ULK4: variants seen among roughly 807,000 people sequenced by gnomAD.
The protein encoded by ULK4 is inactive serine/threonine-protein kinase ULK4.
In ULK4, 133 loss-of-function variants were observed where a neutral mutation model predicts 160.6. The observed-to-expected ratio is 0.83, with a 90% CI of 0.72 to 0.96. The LOEUF (loss-of-function observed/expected upper bound fraction) is 0.96, where lower values mean the gene tolerates loss of function less well. Among genes scored for constraint, ULK4 ranks in the 40% least tolerant of loss-of-function variants. The pLI, the probability that ULK4 is intolerant of heterozygous loss-of-function variation, is 0.00. For missense variants in ULK4, 1,580 were observed against 1,499.5 expected, an observed-to-expected ratio of 1.05 and a Z score of -0.89; for synonymous variants, 534 against 539.8, an observed-to-expected ratio of 0.99 and a Z score of 0.15.
chr3:41,873,656 C>T lies in ULK4; in HGVS notation c.1656+10218G>A, dbSNP rs138853208. On this transcript the variant is annotated intron_variant, in intron 17 of 36. Coordinates refer to ENST00000301831, the MANE Select transcript of ULK4 (RefSeq NM_017886.4). The stretch of plus-strand genomic sequence containing the variant: ...GCAACCTCTGCCTCCCGGGTTCAAG[C>T]GATTCTCCTGCCTTAGTCTCTCGAG... Among the ~76,000 whole-genome samples, 478 of 152,246 alleles carry T rather than the reference C, an allele frequency of 3.1e-3. 1 individual carries two copies. Among genetic ancestry groups the T allele is most frequent in the African/African-American group, 0.011 (452 of 41,536 alleles).
intron 31 of ULK4, among the ~76,000 whole-genome samples, chr3:41,587,771 C>G (rs2030937176): frequency 1.3e-5 from 2 of 152,146 alleles, no homozygotes; most frequent in Admixed American, 1.3e-4. Context: ...CAGCACGATG[C>G]TCTTGTAAGT....
At chr3:41,693,564 T>C (rs1369284473) in intron 27 of ULK4, among the ~76,000 whole-genome samples, 1 of 152,042 alleles carries the variant, frequency 6.6e-6, no homozygotes, top group Non-Finnish European at 1.5e-5. Context: ...AGAACATATA[T>C]AGTATGTTAC....
At chr3:41,706,372 T>TA (rs202133465) in intron 25 of ULK4, among the ~76,000 whole-genome samples, 7,169 of 145,976 alleles carry the variant, frequency 0.049, 360 homozygotes, top group African/African-American at 0.12. Flanking sequence ...TATATATATA[T>TA]TTAATATATA....
rs1449766462 is a variant in ULK4 at position 41,898,465 on chromosome 3, C to CA, written c.1314dup (p.Asp439Ter). The CA allele has an allele frequency of 6.3e-7, 1 of 1,594,422 alleles. No homozygotes were observed. The highest frequency in any genetic ancestry group is 8.5e-7 in the Non-Finnish European group (1 of 1,170,946). On this transcript the variant is annotated frameshift_variant, in exon 14 of 37. Coordinates refer to ENST00000301831, the MANE Select transcript of ULK4 (RefSeq NM_017886.4). LOFTEE classifies it high-confidence loss of function. ...GTTGGTAGATGCAATATTTTTGCAT[C>CA]AAATTTAACTGGTGGCTGTTTCATT... is the stretch of plus-strand genomic sequence containing the variant.
At chr3:41,336,168 A>G (rs6786286) in intron 35 of ULK4, among the ~76,000 whole-genome samples, 45,685 of 152,080 alleles carry the variant, frequency 0.3, 7,105 homozygotes, top group Middle Eastern at 0.37. Flanking sequence ...CCCCGGCAAC[A>G]TGTCTGGACT....
chr3:41,320,364 T>A (rs1320445878), intron 35 of ULK4, among the ~76,000 whole-genome samples: 3 of 152,144 alleles, frequency 2.0e-5, no homozygotes, highest in Admixed American at 1.3e-4. Context: ...TGATGACAAA[T>A]GTGATAATAC....
Position 41,913,327 on chromosome 3 carries a change from G to A in ULK4, c.804-428C>T, listed in dbSNP as rs549329002. The stretch of plus-strand genomic sequence containing the variant: ...TGCAAACTCTGCCTCCCGGGTTCAC[G>A]CCATTCTCCTGCCTCAGCCTCCCGA... On this transcript the variant is annotated intron_variant, in intron 8 of 36. Coordinates refer to ENST00000301831, the MANE Select transcript of ULK4 (RefSeq NM_017886.4). 8.3e-4 allele frequency: 124 copies of A among 148,684 alleles called. 1 individual carries two copies. The South Asian group carries it at 0.013, about 15-fold the overall frequency. 9.2% of individuals were successfully genotyped at this position (148,684 alleles called of 1,614,324 possible).
chr3:41,961,759 C>G (rs1700682283), intron 1 of ULK4, among the ~76,000 whole-genome samples: 1 of 152,208 alleles, frequency 6.6e-6, no homozygotes, highest in South Asian at 2.1e-4. Context: ...CACAAGCACT[C>G]TCTCTCCCCG....
intron 31 of ULK4, among the ~76,000 whole-genome samples, chr3:41,580,844 C>G (rs2030263799): frequency 1.3e-5 from 2 of 152,150 alleles, no homozygotes; most frequent in Non-Finnish European, 2.9e-5. Context: ...CTTTTCTGCC[C>G]TAACATTCTT....
At chr3:41,744,031 T>C (rs1314238980) in intron 22 of ULK4, among the ~76,000 whole-genome samples, 1 of 151,926 alleles carries the variant, frequency 6.6e-6, no homozygotes, top group Non-Finnish European at 1.5e-5. Context: ...CTATTATAAG[T>C]TATGTATGTA....
chr3:41,283,645 C>T lies in ULK4; in HGVS notation c.3679-34071G>A, dbSNP rs117314544. Among the ~76,000 whole-genome samples the T allele has an allele frequency of 2.0e-4, 30 of 152,048 alleles. No individual in the cohort carries two copies. In the East Asian group the frequency reaches 4.1e-3, roughly 21 times the overall value. On this transcript the variant is annotated intron_variant, in intron 35 of 36. Coordinates refer to ENST00000301831, the MANE Select transcript of ULK4 (RefSeq NM_017886.4). ...GAACGTCAAAACCAGGGCCTCTCAG[C>T]GGGTAGGGGGCTGGGGGAGGGATAG... is the stretch of plus-strand genomic sequence containing the variant.
chr3:41,823,490 C>G (rs779048425), intron 18 of ULK4, among the ~76,000 whole-genome samples: 1 of 152,168 alleles, frequency 6.6e-6, no homozygotes, highest in Non-Finnish European at 1.5e-5. Context: ...GTATCCTTGA[C>G]AAAATCAAGA....
intron 25 of ULK4, among the ~76,000 whole-genome samples, chr3:41,709,866 C>T (rs1356499345): frequency 6.6e-6 from 1 of 152,126 alleles, no homozygotes; most frequent in Non-Finnish European, 1.5e-5. Flanking sequence ...CTACGGATTA[C>T]TAAGTAAAGA....
chr3:41,418,076 A>G (rs1461981335), intron 34 of ULK4, among the ~76,000 whole-genome samples: 1 of 152,136 alleles, frequency 6.6e-6, no homozygotes, highest in East Asian at 1.9e-4. Context: ...TCCATACCCA[A>G]TAATCTACCT....
chr3:41,900,919 CT>C (rs1400331674), intron 12 of ULK4, 90 bp from the exon 13 acceptor site: 1 of 859,084 alleles, frequency 1.2e-6, no homozygotes, highest in Non-Finnish European at 1.9e-6. Context: ...GAAGACACCA[CT>C]GTAAAATATC....
chr3:41,816,179 T>C (rs1293431323), intron 19 of ULK4, among the ~76,000 whole-genome samples: 1 of 152,032 alleles, frequency 6.6e-6, no homozygotes, highest in African/African-American at 2.4e-5. Context: ...AACTCCTGCC[T>C]ATCAATAGAC....
chr3:41,790,560 A>G (rs1051745475), intron 20 of ULK4, among the ~76,000 whole-genome samples: 9 of 152,250 alleles, frequency 5.9e-5, no homozygotes, highest in Non-Finnish European at 1.0e-4. Context: ...GATGACGCTG[A>G]GCCAGTTTTT....
intron 21 of ULK4, among the ~76,000 whole-genome samples, chr3:41,773,850 C>G (rs1355799176): frequency 6.6e-6 from 1 of 152,180 alleles, no homozygotes; most frequent in Non-Finnish European, 1.5e-5. Context: ...ACCAAAACAG[C>G]ATGGTACTGG....
At chr3:41,659,087 T>C (rs1040653334) in intron 30 of ULK4, among the ~76,000 whole-genome samples, 1 of 152,184 alleles carries the variant, frequency 6.6e-6, no homozygotes, top group Non-Finnish European at 1.5e-5. Context: ...GTAAATTATA[T>C]CTCAATAAAC....
Sources: allele counts gnomAD v4.1 joint callset (sites outside exome capture counted in the v4.1 genomes callset), GRCh38; gene constraint gnomAD v4.1.1; transcripts MANE v1.5; gene names NCBI Gene and HGNC (gene_info 2026-07-23, HGNC 2026-07-21).